Variants in AGBL1 observed in about 807,000 individuals in gnomAD.
AGBL1 encodes cytosolic carboxypeptidase 4.
AGBL1 carries 130 observed loss-of-function variants against 118.9 expected under a neutral mutation model. That is an observed-to-expected ratio of 1.09 (90% CI 0.95 to 1.26). The LOEUF is 1.26. Ranked by LOEUF, AGBL1 falls within the 50% of genes most tolerant of loss-of-function variation. AGBL1 has a pLI of 0.00. For missense variants in AGBL1, 1,584 were observed against 1,298.1 expected (o/e 1.22, Z -3.38); for synonymous variants, 555 against 478.9 (o/e 1.16, Z -2.08).
intron 17 of AGBL1, among the ~76,000 whole-genome samples, chr15:86,372,691 C>T (rs941497308): frequency 6.6e-6 from 1 of 152,230 alleles, no homozygotes; most frequent in Non-Finnish European, 1.5e-5. Flanking sequence ...TCACCTGGGA[C>T]CAATACCTGA....
At chr15:86,661,297 T>C (rs759012628) in intron 21 of AGBL1, among the ~76,000 whole-genome samples, 8 of 151,342 alleles carry the variant, frequency 5.3e-5, no homozygotes, top group Non-Finnish European at 5.9e-5. Flanking sequence ...CCAAACGCTG[T>C]GCTAGAGATG....
chr15:86,468,630 T>C (rs1567008972), intron 18 of AGBL1, among the ~76,000 whole-genome samples: 1 of 152,194 alleles, frequency 6.6e-6, no homozygotes. Context: ...TTTTCAGATT[T>C]AAATTGGACT....
intron 22 of AGBL1, among the ~76,000 whole-genome samples, chr15:86,853,510 A>G (rs1012122365): frequency 3.3e-5 from 5 of 152,224 alleles, no homozygotes; most frequent in Admixed American, 3.3e-4. Flanking sequence ...AAATTAAAGA[A>G]CTTACCCAAT....
intron 22 of AGBL1, among the ~76,000 whole-genome samples, chr15:86,776,804 A>G (rs1421014761): frequency 6.8e-6 from 1 of 146,028 alleles, no homozygotes; most frequent in Non-Finnish European, 1.5e-5. Context: ...GAGAGAGAGA[A>G]TTAAGGGGAA....
chr15:86,223,768 G>A (rs998914004), intron 5 of AGBL1, among the ~76,000 whole-genome samples: 24 of 152,166 alleles, frequency 1.6e-4, no homozygotes, highest in African/African-American at 4.6e-4. Context: ...GTTATGGGGA[G>A]CAATGCTTTC....
Position 86,785,373 on chromosome 15 carries a change from T to TG in AGBL1, c.3158+110937_3158+110938insG, listed in dbSNP as rs1017467387. 1.6e-3 allele frequency among the ~76,000 whole-genome samples: 229 copies of TG among 139,806 alleles called. 1 individual carries two copies. The highest frequency in any genetic ancestry group is 5.5e-3 in the African/African-American group (208 of 37,480). The allele number at this position is 139,806 out of a possible 152,430, so 91.7% of individuals were successfully genotyped here. ...GATCTGCGGGTTCTTTTTTTTTTTT[T>TG]TTTTTGTTTTTGTTTTTTTGAGATG... On this transcript the variant is annotated intron_variant, in intron 22 of 22. Transcript: ENST00000614907.
In AGBL1 at chr15:86,776,764, G is replaced by A. The variant is rs934972851; in HGVS notation, c.3158+102328G>A. ...TATATATATATATGTGTGTGTGTGTGTGTGTGTGTGTGTGTGTGTGTGTGT... is the reference window on the plus strand; with the variant it reads ...TATATATATATATGTGTGTGTGTGTATGTGTGTGTGTGTGTGTGTGTGTGT... On this transcript the variant is annotated intron_variant, in intron 22 of 22. Transcript: ENST00000614907. Among the ~76,000 whole-genome samples, 503 of 141,234 alleles carry A rather than the reference G, an allele frequency of 3.6e-3. 6 individuals are homozygous for A. The highest frequency in any genetic ancestry group is 0.013 in the African/African-American group (444 of 35,244). 92.7% of individuals were successfully genotyped at this position (141,234 alleles called of 152,430 possible).
At chr15:86,394,784 A>G (rs1184858283) in intron 17 of AGBL1, among the ~76,000 whole-genome samples, 1 of 152,172 alleles carries the variant, frequency 6.6e-6, no homozygotes, top group African/African-American at 2.4e-5. Flanking sequence ...AAAACCAAGT[A>G]GGCATTTACC....
In AGBL1 at chr15:86,401,126, T is replaced by G. The variant is rs1596069360; in HGVS notation, c.2555+3580T>G. On this transcript the variant is annotated intron_variant, in intron 18 of 22. Transcript: ENST00000614907. ...CACATCTACGCTAACATCTATTACA[T>G]TTTGATTTTTTAATTATGACAATTG... Among the ~76,000 whole-genome samples the G allele has an allele frequency of 7.2e-5, 11 of 152,298 alleles. No individual in the cohort carries two copies. In the South Asian group the frequency reaches 2.3e-3, roughly 32 times the overall value.
intron 5 of AGBL1, among the ~76,000 whole-genome samples, chr15:86,198,433 G>A (rs1409042501): frequency 1.3e-5 from 2 of 152,164 alleles, no homozygotes; most frequent in African/African-American, 4.8e-5. Flanking sequence ...AAGCTGTTGG[G>A]ATGGAGTGGA....
At chr15:86,655,146 C>T (rs1478897415) in intron 21 of AGBL1, among the ~76,000 whole-genome samples, 1 of 152,120 alleles carries the variant, frequency 6.6e-6, no homozygotes, top group Non-Finnish European at 1.5e-5. Context: ...GGGGCTGATT[C>T]CAATCTCCGG....
In AGBL1 at chr15:86,884,835, A is replaced by G. The variant is rs188824086; in HGVS notation, c.3159-22252A>G. On this transcript the variant is annotated intron_variant, in intron 22 of 22. Coordinates refer to ENST00000614907, the MANE Select transcript of AGBL1 (RefSeq NM_001386094.1). ...TCAAAAACAAACAAACTATAAAGCA[A>G]TGCCATTGAGTAAAATGAGGTAATT... Among the ~76,000 whole-genome samples, 3 of 152,262 alleles carry G rather than the reference A, an allele frequency of 2.0e-5. No homozygotes were observed. The East Asian group carries it at 5.8e-4, about 29-fold the overall frequency.
At position 86,191,172 on chromosome 15, in the gene AGBL1, C is replaced by T. The variant is rs1419698251; in HGVS notation, c.488+32146C>T. On this transcript the variant is annotated intron_variant, in intron 5 of 22. Transcript: ENST00000614907. ...CAGCCTGGCAACATGGTGAAACCCC[C>T]CCTCCCTACTAAAAATACAAAAAAA... Among the ~76,000 whole-genome samples the T allele has an allele frequency of 3.3e-5, 5 of 151,130 alleles. No individual in the cohort carries two copies. In the East Asian group the frequency reaches 9.8e-4, roughly 30 times the overall value.
intron 20 of AGBL1, among the ~76,000 whole-genome samples, chr15:86,548,347 A>G (rs1032452007): frequency 6.6e-6 from 1 of 152,162 alleles, no homozygotes; most frequent in Non-Finnish European, 1.5e-5. Context: ...TGCAACATTT[A>G]TTCAGTTTTA....
At chr15:86,147,444 G>A (rs2077047816) in intron 3 of AGBL1, among the ~76,000 whole-genome samples, 1 of 152,256 alleles carries the variant, frequency 6.6e-6, no homozygotes, top group African/African-American at 2.4e-5. Context: ...GCAACCTGCA[G>A]ACAATGTAAT....
At chr15:86,352,496 GAAT>G (rs1291490152) in intron 17 of AGBL1, among the ~76,000 whole-genome samples, 3 of 148,800 alleles carry the variant, frequency 2.0e-5, no homozygotes, top group Non-Finnish European at 4.5e-5. Flanking sequence ...TTTTTTTTTG[GAAT>G]GGAGTCTTGG....
At chr15:86,239,939 C>T (rs926498381) in intron 6 of AGBL1, among the ~76,000 whole-genome samples, 2 of 152,116 alleles carry the variant, frequency 1.3e-5, no homozygotes, top group Non-Finnish European at 2.9e-5. Context: ...TATATAGGCA[C>T]GGGAACCTCA....
At chr15:86,599,857 T>G (rs1003206805) in intron 21 of AGBL1, among the ~76,000 whole-genome samples, 9 of 152,122 alleles carry the variant, frequency 5.9e-5, no homozygotes, top group Admixed American at 5.2e-4. Context: ...GACAATATCC[T>G]ACACCTTTTT....
chr15:86,481,248 C>G (rs1053019629), intron 18 of AGBL1, among the ~76,000 whole-genome samples: 1 of 151,152 alleles, frequency 6.6e-6, no homozygotes, highest in Admixed American at 6.6e-5. Flanking sequence ...TAGATGCTTT[C>G]CTAAGCTTTC....
Sources: allele counts gnomAD v4.1 joint callset (sites outside exome capture counted in the v4.1 genomes callset), GRCh38; gene constraint gnomAD v4.1.1; transcripts MANE v1.5; gene names NCBI Gene and HGNC (gene_info 2026-07-23, HGNC 2026-07-21).